The following CNTN5 variants were observed in gnomAD, a reference collection of about 807,000 sequenced individuals.
The protein encoded by CNTN5 is contactin-5.
CNTN5 carries 77 observed loss-of-function variants against 129.1 expected under a neutral mutation model. The observed-to-expected ratio is 0.60, with a 90% CI of 0.50 to 0.72. The LOEUF (loss-of-function observed/expected upper bound fraction) is 0.72, where lower values mean the gene tolerates loss of function less well. Ranked by LOEUF, CNTN5 falls within the 30% of genes least tolerant of loss-of-function variation. The pLI is 0.00. For synonymous variants in CNTN5, 509 were observed against 465.6 expected (o/e 1.09, Z -1.20); for missense variants, 1,478 against 1,328.8 (o/e 1.11, Z -1.75).
At chr11:100,276,992 G>A (rs1325458123) in intron 18 of CNTN5, among the ~76,000 whole-genome samples, 1 of 151,622 alleles carries the variant, frequency 6.6e-6, no homozygotes, top group Non-Finnish European at 1.5e-5. Flanking sequence ...CCCAGCCTCT[G>A]GTAACCAACC....
chr11:99,206,682 A>T (rs1245592518), intron 1 of CNTN5, among the ~76,000 whole-genome samples: 1 of 152,050 alleles, frequency 6.6e-6, no homozygotes, highest in East Asian at 1.9e-4. Context: ...TTGGACTTGT[A>T]TTCTACCTGG....
intron 3 of CNTN5, among the ~76,000 whole-genome samples, chr11:99,788,375 G>A (rs958112801): frequency 6.6e-6 from 1 of 151,830 alleles, no homozygotes; most frequent in African/African-American, 2.4e-5. Flanking sequence ...AAAGCCAGTA[G>A]CTCTTAGAGG....
At chr11:99,973,776 TGAG>T (rs1937740868) in intron 8 of CNTN5, among the ~76,000 whole-genome samples, 1 of 152,222 alleles carries the variant, frequency 6.6e-6, no homozygotes, top group Non-Finnish European at 1.5e-5. Flanking sequence ...TACAGGATAT[TGAG>T]GATTCTAAAA....
intron 13 of CNTN5, among the ~76,000 whole-genome samples, chr11:100,182,657 G>A (rs1948173479): frequency 6.6e-6 from 1 of 152,014 alleles, no homozygotes; most frequent in Non-Finnish European, 1.5e-5. Flanking sequence ...GATTCAAAGT[G>A]TATCACAGAC....
At chr11:99,196,795 A>G (rs1483597968) in intron 1 of CNTN5, among the ~76,000 whole-genome samples, 1 of 151,982 alleles carries the variant, frequency 6.6e-6, no homozygotes, top group Non-Finnish European at 1.5e-5. Flanking sequence ...AAATTTTAAA[A>G]CTTGTTTAAC....
intron 9 of CNTN5, 52 bp from the exon 10 acceptor site, chr11:100,061,160 A>G: frequency 7.1e-7 from 1 of 1,403,468 alleles, no homozygotes; most frequent in Non-Finnish European, 9.7e-7. Context: ...AACAGAATCT[A>G]TGTTCCTAAC....
chr11:99,656,781 G>A (rs1047786222), intron 3 of CNTN5, among the ~76,000 whole-genome samples: 1 of 152,064 alleles, frequency 6.6e-6, no homozygotes, highest in Non-Finnish European at 1.5e-5. Flanking sequence ...CAGTGGACTG[G>A]ATAGCAAAGG....
At chr11:99,035,725 A>G (rs1333849731) in intron 1 of CNTN5, among the ~76,000 whole-genome samples, 3 of 151,168 alleles carry the variant, frequency 2.0e-5, no homozygotes, top group Admixed American at 6.6e-5. Context: ...TCTTTATCCA[A>G]TTTGCCAGTC....
At chr11:99,255,451 A>G (rs1862330694) in intron 1 of CNTN5, among the ~76,000 whole-genome samples, 1 of 151,206 alleles carries the variant, frequency 6.6e-6, no homozygotes, top group Non-Finnish European at 1.5e-5. Context: ...ATTCTGTTTA[A>G]AGATTTTAGA....
intron 12 of CNTN5, 27 bp from the exon 13 acceptor site, chr11:100,074,117 A>G: frequency 6.3e-7 from 1 of 1,596,662 alleles, no homozygotes. Flanking sequence ...TGCTTCTGGT[A>G]GAAACTAACA....
intron 9 of CNTN5, among the ~76,000 whole-genome samples, chr11:100,025,495 T>A (rs555913274): frequency 6.6e-6 from 1 of 152,176 alleles, no homozygotes; most frequent in African/African-American, 2.4e-5. Context: ...TGAGAAGCGG[T>A]TCACTGTCCT....
chr11:99,714,590 A>G (rs746218041), intron 3 of CNTN5, among the ~76,000 whole-genome samples: 4 of 151,968 alleles, frequency 2.6e-5, no homozygotes, highest in Admixed American at 6.6e-5. Context: ...TTATCTTAAG[A>G]ATATTTCTCA....
At chr11:99,573,283 G>C (rs976129308) in intron 3 of CNTN5, among the ~76,000 whole-genome samples, 1 of 151,866 alleles carries the variant, frequency 6.6e-6, no homozygotes, top group Non-Finnish European at 1.5e-5. Context: ...GTTTTAAATA[G>C]TTCCTGGCCG....
intron 20 of CNTN5, among the ~76,000 whole-genome samples, chr11:100,303,357 A>T (rs3758703): frequency 0.32 from 47,992 of 151,296 alleles, 9,341 homozygotes; most frequent in East Asian, 0.85. Flanking sequence ...ATAAAAATTA[A>T]TTTTTTTCCA....
At chr11:99,462,360 C>CTTTTTTTTTTTTTTTTTTTTTTTTT (rs72276833) in intron 2 of CNTN5, among the ~76,000 whole-genome samples, 1 of 125,284 alleles carries the variant, frequency 8.0e-6, no homozygotes, top group African/African-American at 2.9e-5. Flanking sequence ...CTTTTCTTTT[C>CTTTTTTTTTTTTTTTTTTTTTTTTT]TTTTTTTTTT....
intron 9 of CNTN5, among the ~76,000 whole-genome samples, chr11:100,019,447 C>T (rs767550329): frequency 2.6e-5 from 4 of 151,832 alleles, no homozygotes; most frequent in Admixed American, 2.0e-4. Context: ...ATGCAATATT[C>T]GCGTTTCTAT....
chr11:99,722,469 G>T (rs1168767236), intron 3 of CNTN5, among the ~76,000 whole-genome samples: 1 of 151,994 alleles, frequency 6.6e-6, no homozygotes, highest in African/African-American at 2.4e-5. Context: ...AGACACTGGG[G>T]TCTACTTCTT....
chr11:99,669,129 A>G (rs1378756103), intron 3 of CNTN5, among the ~76,000 whole-genome samples: 3 of 152,122 alleles, frequency 2.0e-5, no homozygotes, highest in Admixed American at 6.6e-5. Flanking sequence ...CAACCTCTAC[A>G]TTTATAATTT....
chr11:99,027,504 T>C (rs746234387), intron 1 of CNTN5, among the ~76,000 whole-genome samples: 1 of 151,644 alleles, frequency 6.6e-6, no homozygotes, highest in Non-Finnish European at 1.5e-5. Context: ...TAAATTCTAG[T>C]TTTTCTGTTA....
Sources: gnomAD v4.1 joint callset for allele counts (sites outside exome capture counted in the v4.1 genomes callset) on GRCh38, gnomAD v4.1.1 for gene constraint, MANE v1.5 for transcripts, NCBI Gene and HGNC (gene_info 2026-07-23, HGNC 2026-07-21) for gene names.